The following GALNT18 variants were observed in gnomAD, a reference collection of about 807,000 sequenced individuals.
GALNT18 encodes the protein GalNAc-transferase 18.
Under a neutral mutation model 69.5 loss-of-function variants are expected in GALNT18, and 44 were observed. The ratio of observed to expected loss-of-function variants is 0.63; its 90% CI spans 0.50 to 0.81. GALNT18 has a LOEUF of 0.81. Ranked by LOEUF, GALNT18 falls within the 40% of genes least tolerant of loss-of-function variation. GALNT18 has a pLI of 0.00. For missense variants in GALNT18, 715 were observed against 810.0 expected, an observed-to-expected ratio of 0.88 and a Z score of 1.42; for synonymous variants, 364 against 318.2, an observed-to-expected ratio of 1.14 and a Z score of -1.53.
chr11:11,447,464 T>G (rs1320435081), intron 2 of GALNT18, among the ~76,000 whole-genome samples: 1 of 152,252 alleles, frequency 6.6e-6, no homozygotes, highest in Admixed American at 6.5e-5. Flanking sequence ...ATGCCAGCTC[T>G]GTGAAGCAGG....
chr11:11,517,530 G>T (rs1435415353), intron 1 of GALNT18, among the ~76,000 whole-genome samples: 1 of 152,194 alleles, frequency 6.6e-6, no homozygotes, highest in Non-Finnish European at 1.5e-5. Flanking sequence ...CATATTTGTG[G>T]TGTGTTAGTT....
At position 11,327,069 on chromosome 11, in the gene GALNT18, T is replaced by A. The variant is rs1375130185; in HGVS notation, c.1512+17A>T. 1.3e-6 allele frequency: 2 copies of A among 1,576,590 alleles called. No individual in the cohort carries two copies. The highest frequency in any genetic ancestry group is 1.1e-5 in the South Asian group (1 of 90,330). ...CATATGCACACTCCTGGCACAGGAA[T>A]CTCTTAGAGGACTCACCTGAGGCGT... On this transcript the variant is annotated intron_variant, in intron 9 of 10. Transcript: ENST00000227756.
intron 7 of GALNT18, among the ~76,000 whole-genome samples, chr11:11,333,661 G>C (rs1330080776): frequency 6.6e-6 from 1 of 152,124 alleles, no homozygotes; most frequent in East Asian, 1.9e-4. Flanking sequence ...GGCATCTAGA[G>C]TACTTGTTTC....
Position 11,352,173 on chromosome 11 carries a change from C to G in GALNT18, c.1093-11169G>C, listed in dbSNP as rs751174102. The G allele has an allele frequency of 4.3e-6, 7 of 1,613,674 alleles. 1 individual carries two copies. The highest frequency in any genetic ancestry group is 1.1e-5 in the South Asian group (1 of 91,004). On this transcript the variant is annotated intron_variant, in intron 6 of 10. Coordinates refer to ENST00000227756, the MANE Select transcript of GALNT18 (RefSeq NM_198516.3). ...GAAATAGGGGTGCTCCATGGCCTCT[C>G]TTGCAGTAAGCCGTGACTGGTGGTC...
chr11:11,287,660 A>G (rs1207524788), intron 10 of GALNT18, among the ~76,000 whole-genome samples: 2 of 152,206 alleles, frequency 1.3e-5, no homozygotes, highest in Non-Finnish European at 2.9e-5. Flanking sequence ...TCATCCCAGT[A>G]GGTAGGTAGT....
chr11:11,479,584 T>C (rs1465047002), intron 1 of GALNT18, among the ~76,000 whole-genome samples: 1 of 117,260 alleles, frequency 8.5e-6, no homozygotes, highest in Non-Finnish European at 1.9e-5. Flanking sequence ...AGATACTATT[T>C]GAGGTTTTTT....
intron 1 of GALNT18, among the ~76,000 whole-genome samples, chr11:11,519,640 T>G (rs984523462): frequency 1.3e-5 from 2 of 152,174 alleles, no homozygotes. Context: ...CCCCATCAAC[T>G]GCCTTATCTC....
At position 11,271,291 on chromosome 11, in the gene GALNT18, C is replaced by T; in HGVS notation, c.1678-1G>A. ...ACTTGCGGTTCTGGATGGGTCCTCC[C>T]TAGGGGCCAGGGCAGACAGTGGGGT... On this transcript the variant is annotated splice_acceptor_variant, in intron 10 of 10. Transcript: ENST00000227756. LOFTEE classifies it high-confidence loss of function. 2.5e-6 allele frequency: 4 copies of T among 1,613,410 alleles called. No individual in the cohort carries two copies. Among genetic ancestry groups the T allele is most frequent in the Non-Finnish European group, 3.4e-6 (4 of 1,179,446 alleles).
Position 11,432,609 on chromosome 11 carries a change from T to A in GALNT18, c.595+12A>T. ...AAGTAGGGCCTGGGCCCTGGGAAGC[T>A]CCGACACTCACCGTTACTGCTGTTG... On this transcript the variant is annotated intron_variant, in intron 3 of 10. Transcript: ENST00000227756. This position sits in a 1 kb window ranked among gnomAD's most constrained non-coding sequence, Gnocchi z 5.8. 6.3e-7 allele frequency: 1 copy of A among 1,598,958 alleles called. No individual in the cohort carries two copies. Among genetic ancestry groups the A allele is most frequent in the Non-Finnish European group, 8.5e-7 (1 of 1,172,028 alleles).
chr11:11,370,610 C>A (rs892197436), intron 6 of GALNT18, among the ~76,000 whole-genome samples: 22 of 150,836 alleles, frequency 1.5e-4, no homozygotes, highest in Admixed American at 1.2e-3. Flanking sequence ...AACCAGATAT[C>A]ATTGCCAACT....
rs1363243697 is a variant in GALNT18, at chr11:11,372,489, C to A, written c.1092+26G>T. On this transcript the variant is annotated intron_variant, in intron 6 of 10. Transcript: ENST00000227756. The surrounding 1 kb of genome is among the most constrained non-coding windows in gnomAD (Gnocchi z 4.9). ...TCACCCTGGTGGGAGCTGAGCCGAG[C>A]AGTTTGAGTGAGAAACCCCACTCAC... is the stretch of plus-strand genomic sequence containing the variant. The A allele has an allele frequency of 1.3e-6, 2 of 1,577,620 alleles. No individual in the cohort carries two copies. The highest frequency in any genetic ancestry group is 1.3e-5 in the African/African-American group (1 of 74,348).
intron 6 of GALNT18, among the ~76,000 whole-genome samples, chr11:11,345,629 G>T (rs909986606): frequency 5.9e-5 from 9 of 152,078 alleles, no homozygotes; most frequent in Non-Finnish European, 1.3e-4. Context: ...ACCAGAGGGA[G>T]GATATACACA....
intron 9 of GALNT18, among the ~76,000 whole-genome samples, chr11:11,310,507 A>G (rs1045416730): frequency 6.6e-6 from 1 of 152,218 alleles, no homozygotes; most frequent in Admixed American, 6.5e-5. Flanking sequence ...AAGAAGCAAG[A>G]CCAGCAAGTC....
rs534372415 is a variant in GALNT18, at chr11:11,459,868, G to A, written c.236-10932C>T. On this transcript the variant is annotated intron_variant, in intron 1 of 10. Transcript: ENST00000227756. This position sits in a 1 kb window ranked among gnomAD's most constrained non-coding sequence, Gnocchi z 5.0. ...TAAGAAGTCTGACAGGCATCTCACCGGGCTAAAATCAAGGTGTTGGTAGGG... is the reference window on the plus strand; with the variant it reads ...TAAGAAGTCTGACAGGCATCTCACCAGGCTAAAATCAAGGTGTTGGTAGGG... 6.0e-4 allele frequency among the ~76,000 whole-genome samples: 91 copies of A among 152,260 alleles called. No individual in the cohort carries two copies. The highest frequency in any genetic ancestry group is 2.1e-3 in the African/African-American group (86 of 41,554).
At position 11,396,562 on chromosome 11, in the gene GALNT18, A is replaced by G. The variant is rs930566407; in HGVS notation, c.596-17298T>C. 1.3e-5 allele frequency among the ~76,000 whole-genome samples: 2 copies of G among 152,200 alleles called. No individual in the cohort carries two copies. The highest frequency in any genetic ancestry group is 4.8e-5 in the African/African-American group (2 of 41,454). ...CGGACAGCTTGGTAACAAACAAAGA[A>G]AATGGAAGCCAAGCGTGGGGATGAT... On this transcript the variant is annotated intron_variant, in intron 3 of 10. Transcript: ENST00000227756. This position sits in a 1 kb window ranked among gnomAD's most constrained non-coding sequence, Gnocchi z 5.2.
At chr11:11,472,070 C>A (rs943439883) in intron 1 of GALNT18, among the ~76,000 whole-genome samples, 6 of 152,218 alleles carry the variant, frequency 3.9e-5, no homozygotes, top group Non-Finnish European at 7.3e-5. Context: ...AAGTAGGTTT[C>A]TTTGGAGTGT....
chr11:11,599,660 T>A (rs1372163874), intron 1 of GALNT18, among the ~76,000 whole-genome samples: 4 of 151,380 alleles, frequency 2.6e-5, no homozygotes, highest in Non-Finnish European at 5.9e-5. Context: ...CTATATCTCA[T>A]ATATTTTTTG....
intron 10 of GALNT18, among the ~76,000 whole-genome samples, chr11:11,280,894 G>A (rs1408301905): frequency 6.6e-6 from 1 of 152,136 alleles, no homozygotes; most frequent in Non-Finnish European, 1.5e-5. Context: ...AGACTCTTAG[G>A]CCCAGAGGCA....
intron 10 of GALNT18, among the ~76,000 whole-genome samples, chr11:11,291,769 A>T (rs1483505782): frequency 1.3e-5 from 2 of 152,120 alleles, no homozygotes; most frequent in Non-Finnish European, 2.9e-5. Flanking sequence ...TCTGCTTTCT[A>T]GCTAGCTCCT....
Sources: gnomAD v4.1 joint callset for allele counts (sites outside exome capture counted in the v4.1 genomes callset) on GRCh38, gnomAD v4.1.1 for gene constraint, Gnocchi (gnomAD v3.1) non-coding constraint, MANE v1.5 for transcripts, NCBI Gene and HGNC (gene_info 2026-07-23, HGNC 2026-07-21) for gene names.